IGSF5: variants seen among roughly 807,000 people sequenced by gnomAD.
IGSF5 encodes the protein immunoglobulin superfamily 5 like.
IGSF5 carries 41 observed loss-of-function variants against 39.4 expected under a neutral mutation model. The observed-to-expected ratio is 1.04, with a 90% CI of 0.81 to 1.35. IGSF5 has a LOEUF of 1.35. Among genes scored for constraint, IGSF5 ranks in the 40% most tolerant of loss-of-function variants. The pLI, the probability that IGSF5 is intolerant of heterozygous loss-of-function variation, is 0.00. For synonymous variants in IGSF5, 183 were observed against 175.3 expected (o/e 1.04, Z -0.34); for missense variants, 487 against 494.6 (o/e 0.98, Z 0.15).
intron 5 of IGSF5, among the ~76,000 whole-genome samples, chr21:39,787,552 GT>G (rs33925299): frequency 0.034 from 4,127 of 119,838 alleles, 71 homozygotes; most frequent in South Asian, 0.1. Context: ...TAATGACAGT[GT>G]TTTTTTTTTT....
At chr21:39,753,011 C>A (rs2080013179) in intron 2 of IGSF5, among the ~76,000 whole-genome samples, 1 of 151,928 alleles carries the variant, frequency 6.6e-6, no homozygotes, top group Non-Finnish European at 1.5e-5. Context: ...TTAACTAGGT[C>A]CTATTTATTT....
Position 39,770,790 on chromosome 21 carries a change from G to A in IGSF5, c.419-126G>A, listed in dbSNP as rs558812350. ...GTAGAGACACAGCCTCTTTGGGCTT[G>A]GGAAAATAGGTCTCACAAAATGTAA... is the stretch of plus-strand genomic sequence containing the variant. On this transcript the variant is annotated intron_variant, in intron 3 of 8. Coordinates refer to ENST00000380588, the MANE Select transcript of IGSF5 (RefSeq NM_001080444.2). 221 of 631,482 alleles carry A rather than the reference G, an allele frequency of 3.5e-4. No individual in the cohort carries two copies. The Middle Eastern group carries it at 5.2e-3, about 15-fold the overall frequency. 39.1% of individuals were successfully genotyped at this position (631,482 alleles called of 1,614,324 possible).
At chr21:39,756,611 G>A (rs4818085) in intron 2 of IGSF5, among the ~76,000 whole-genome samples, 124,187 of 152,006 alleles carry the variant, frequency 0.82, 50,902 homozygotes, top group Admixed American at 0.86. Flanking sequence ...AGAACCGTCC[G>A]GGTCACTGGA....
chr21:39,776,867 C>A (rs1484550654), intron 4 of IGSF5, among the ~76,000 whole-genome samples: 1 of 152,110 alleles, frequency 6.6e-6, no homozygotes, highest in African/African-American at 2.4e-5. Flanking sequence ...ATTGGTTAAC[C>A]CCAGCCAGCT....
Position 39,779,230 on chromosome 21 carries a change from T to C in IGSF5, c.859T>C (p.Cys287Arg). The C allele has an allele frequency of 6.2e-7, 1 of 1,612,370 alleles. No homozygotes were observed. Among genetic ancestry groups the C allele is most frequent in the East Asian group, 2.2e-5 (1 of 44,844 alleles). The change falls in exon 5 of 9, where the codon TGC becomes CGC. Residue 287 changes from cysteine to arginine, a missense_variant. Physicochemically the swap from Cys to Arg is radical, Grantham distance 180 (BLOSUM62 -3). Transcript: ENST00000380588. ...GCCGACGTGTACTCTTACAATACGC[T>C]GCTGCTGCTGCCGCCGTCGTTGTTG... ...LTPTCTLTIR[C>R]CCCRRRCCGC...
chr21:39,782,998 C>T (rs1395928673), intron 5 of IGSF5, among the ~76,000 whole-genome samples: 1 of 152,108 alleles, frequency 6.6e-6, no homozygotes, highest in Non-Finnish European at 1.5e-5. Flanking sequence ...TCTTTCTGTG[C>T]CTGACTTATT....
chr21:39,741,067 A>G (rs1189543486), upstream of IGSF5, among the ~76,000 whole-genome samples: 1 of 151,774 alleles, frequency 6.6e-6, no homozygotes, highest in East Asian at 1.9e-4. Context: ...AGACCAGCGC[A>G]AGGACTCTTA....
At chr21:39,779,051 A>C (rs368566826) in intron 4 of IGSF5, 39 bp from the exon 5 acceptor site, 8 of 1,598,356 alleles carry the variant, frequency 5.0e-6, no homozygotes, top group Non-Finnish European at 6.8e-6. Context: ...GATTCTAGGC[A>C]GTGCAAGTAT....
the IGSF5 span, among the ~76,000 whole-genome samples, chr21:39,711,886 C>G: frequency 1.3e-5 from 2 of 152,104 alleles, no homozygotes; most frequent in African/African-American, 4.8e-5. Flanking sequence ...ATGGTGACAC[C>G]TTTTCTTGCT....
intron 2 of IGSF5, among the ~76,000 whole-genome samples, chr21:39,754,079 A>T (rs1394558959): frequency 6.6e-6 from 1 of 152,138 alleles, no homozygotes; most frequent in Non-Finnish European, 1.5e-5. Context: ...TTATTGTTTT[A>T]TAGACCCTGT....
chr21:39,778,119 G>A (rs1199113694), intron 4 of IGSF5, among the ~76,000 whole-genome samples: 15 of 152,268 alleles, frequency 9.9e-5, no homozygotes, highest in Admixed American at 9.2e-4. Context: ...TGACTTCAGC[G>A]TGGTGCGCTA....
At chr21:39,777,627 G>A (rs1038169663) in intron 4 of IGSF5, among the ~76,000 whole-genome samples, 2 of 152,046 alleles carry the variant, frequency 1.3e-5, no homozygotes, top group African/African-American at 4.8e-5. Context: ...AGCTCATCTC[G>A]GATGGTGGGA....
At chr21:39,726,385 T>A in the IGSF5 span, among the ~76,000 whole-genome samples, 1 of 152,122 alleles carries the variant, frequency 6.6e-6, no homozygotes, top group Admixed American at 6.5e-5. Context: ...GATAGTGGCA[T>A]GTGGATGGGC....
upstream of IGSF5, among the ~76,000 whole-genome samples, chr21:39,741,669 TG>T (rs1488202906): frequency 2.0e-5 from 3 of 152,164 alleles, no homozygotes; most frequent in African/African-American, 7.2e-5. Flanking sequence ...CCTGAACCCT[TG>T]GGGTAAAACA....
chr21:39,722,199 G>A, the IGSF5 span, among the ~76,000 whole-genome samples: 1 of 152,172 alleles, frequency 6.6e-6, no homozygotes, highest in Non-Finnish European at 1.5e-5. Flanking sequence ...CTTGCCTATG[G>A]TAGGTCTACA....
intron 4 of IGSF5, among the ~76,000 whole-genome samples, chr21:39,775,822 C>A (rs968564202): frequency 6.6e-6 from 1 of 152,180 alleles, no homozygotes; most frequent in African/African-American, 2.4e-5. Flanking sequence ...AGGCACAGAC[C>A]AGCACCCCAC....
At chr21:39,780,317 G>A (rs1484172011) in intron 5 of IGSF5, among the ~76,000 whole-genome samples, 3 of 152,294 alleles carry the variant, frequency 2.0e-5, no homozygotes, top group East Asian at 1.9e-4. Flanking sequence ...AAGGAAGGAA[G>A]CTGTTTCTTT....
the IGSF5 span, chr21:39,722,419 T>C: frequency 8.5e-5 from 13 of 152,166 alleles, no homozygotes; most frequent in African/African-American, 2.9e-4. Context: ...AGCAGAAATA[T>C]TATGGGGGAA....
intron 8 of IGSF5, among the ~76,000 whole-genome samples, chr21:39,797,508 C>G (rs2087003135): frequency 6.6e-6 from 1 of 152,222 alleles, no homozygotes; most frequent in South Asian, 2.1e-4. Flanking sequence ...CGTGAGACAG[C>G]TTGCCCGGCC....
Sources: gnomAD v4.1 joint callset for allele counts (sites outside exome capture counted in the v4.1 genomes callset) on GRCh38, gnomAD v4.1.1 for gene constraint, MANE v1.5 for transcripts, NCBI Gene and HGNC (gene_info 2026-07-23, HGNC 2026-07-21) for gene names.